The following CCSER1 variants were observed in gnomAD, a reference collection of about 807,000 sequenced individuals.
The protein encoded by CCSER1 is serine-rich coiled-coil domain-containing protein 1.
CCSER1 carries 41 observed loss-of-function variants against 82.0 expected under a neutral mutation model. The ratio of observed to expected loss-of-function variants is 0.50; its 90% confidence interval spans 0.39 to 0.65. The LOEUF is 0.65. Among genes scored for constraint, CCSER1 ranks in the 30% least tolerant of loss-of-function variants. CCSER1 has a pLI of 0.00. For missense variants in CCSER1, 1,119 were observed against 1,064.2 expected (o/e 1.05, Z -0.72); for synonymous variants, 414 against 383.9 (o/e 1.08, Z -0.92).
rs70963065 is a variant in CCSER1 at position 90,391,504 on chromosome 4, AATATATATATAT to A, written c.1510-8516_1510-8505del. Among the ~76,000 whole-genome samples, 71 of 79,416 alleles carry A rather than the reference AATATATATATAT, an allele frequency of 8.9e-4. 1 individual carries two copies. Among genetic ancestry groups the A allele is most frequent in the African/African-American group, 3.2e-3 (67 of 20,636 alleles). 52.1% of individuals were successfully genotyped at this position (79,416 alleles called of 152,430 possible). On this transcript the variant is annotated intron_variant, in intron 3 of 10. Coordinates refer to ENST00000509176, the MANE Select transcript of CCSER1 (RefSeq NM_001145065.2). ...TATATATACACACACACAGTGGGTA[AATATATATATAT>A]ATATATATATATATACTGTGTACTC...
chr4:91,119,393 G>T (rs1451978174), intron 10 of CCSER1, among the ~76,000 whole-genome samples: 1 of 151,812 alleles, frequency 6.6e-6, no homozygotes, highest in Non-Finnish European at 1.5e-5. Flanking sequence ...TGTTCTTAGG[G>T]ATTTGATACA....
At position 90,811,995 on chromosome 4, in the gene CCSER1, C is replaced by CACACACACACACATATATATATATATAT. The variant is rs367800484; in HGVS notation, c.2011-3766_2011-3765insCACACACACACATATATATATATATATA. Among the ~76,000 whole-genome samples, 591 of 142,708 alleles carry CACACACACACACATATATATATATATAT rather than the reference C, an allele frequency of 4.1e-3. 9 individuals are homozygous for CACACACACACACATATATATATATATAT. Among genetic ancestry groups the CACACACACACACATATATATATATATAT allele is most frequent in the African/African-American group, 0.015 (559 of 38,422 alleles). The allele number at this position is 142,708 out of a possible 152,430, so 93.6% of individuals were successfully genotyped here. Reference sequence around the variant, plus strand: ...ATATATATATATATATATATAAACACATATATATATATGAGTTTATTAAGT... The same window carrying CACACACACACACATATATATATATATAT: ...ATATATATATATATATATATAAACACACACACACACACATATATATATATATATATATATATATATGAGTTTATTAAGT... On this transcript the variant is annotated intron_variant, in intron 7 of 10. Transcript: ENST00000509176.
chr4:91,206,324 C>T (rs1581769696), intron 10 of CCSER1, among the ~76,000 whole-genome samples: 1 of 151,860 alleles, frequency 6.6e-6, no homozygotes, highest in Non-Finnish European at 1.5e-5. Context: ...ACATCCTGAC[C>T]TCTAATGAAT....
chr4:91,109,460 A>G (rs1725908484), intron 10 of CCSER1, among the ~76,000 whole-genome samples: 2 of 152,040 alleles, frequency 1.3e-5, no homozygotes, highest in South Asian at 4.1e-4. Context: ...AAAGGTCCCA[A>G]AGATTATTGA....
intron 3 of CCSER1, among the ~76,000 whole-genome samples, chr4:90,388,765 A>G (rs1750500466): frequency 6.6e-6 from 1 of 151,848 alleles, no homozygotes; most frequent in Non-Finnish European, 1.5e-5. Flanking sequence ...CCTCCAAAGT[A>G]GCTGGGATTA....
chr4:90,475,416 G>A (rs900892789), intron 5 of CCSER1, among the ~76,000 whole-genome samples: 2 of 152,194 alleles, frequency 1.3e-5, no homozygotes, highest in Non-Finnish European at 1.5e-5. Flanking sequence ...GATTTCCATG[G>A]TGAAAGCTGT....
intron 9 of CCSER1, among the ~76,000 whole-genome samples, chr4:91,017,711 A>C (rs1326241720): frequency 6.6e-6 from 1 of 152,176 alleles, no homozygotes; most frequent in African/African-American, 2.4e-5. Context: ...TCAATGAAAT[A>C]ACTTAGAAAT....
chr4:91,344,976 A>G (rs1219316556), intron 10 of CCSER1, among the ~76,000 whole-genome samples: 1 of 152,230 alleles, frequency 6.6e-6, no homozygotes. Flanking sequence ...GAAAATATTA[A>G]TTAACAATAT....
chr4:90,558,690 G>A (rs765729969), intron 5 of CCSER1, among the ~76,000 whole-genome samples: 1 of 152,108 alleles, frequency 6.6e-6, no homozygotes, highest in Non-Finnish European at 1.5e-5. Context: ...AAGGTAGGTA[G>A]TATTACCCTT....
At chr4:90,307,171 AGTACCTGGTAC>A (rs1324861551) in intron 1 of CCSER1, among the ~76,000 whole-genome samples, 12 of 152,156 alleles carry the variant, frequency 7.9e-5, no homozygotes, top group Non-Finnish European at 5.9e-5. Context: ...TCTGTGGGAA[AGTACCTGGTAC>A]GTAGCAGTTG....
chr4:91,203,037 T>C (rs1736057992), intron 10 of CCSER1, among the ~76,000 whole-genome samples: 1 of 151,936 alleles, frequency 6.6e-6, no homozygotes, highest in Non-Finnish European at 1.5e-5. Context: ...TTCATAAAAA[T>C]GTAGTCACTG....
chr4:90,497,224 A>T (rs115669929), intron 5 of CCSER1, among the ~76,000 whole-genome samples: 2,211 of 152,252 alleles, frequency 0.015, 32 homozygotes, highest in African/African-American at 0.043. Context: ...GCATATTGGA[A>T]CCATGTCCTT....
chr4:90,611,091 G>A (rs1785438214), intron 5 of CCSER1, among the ~76,000 whole-genome samples: 1 of 86,592 alleles, frequency 1.2e-5, no homozygotes, highest in Admixed American at 1.2e-4. Flanking sequence ...TAGAGATAGA[G>A]TTTTACCATG....
At chr4:90,163,841 G>A (rs1306835643) in intron 1 of CCSER1, among the ~76,000 whole-genome samples, 1 of 152,126 alleles carries the variant, frequency 6.6e-6, no homozygotes, top group East Asian at 1.9e-4. Flanking sequence ...TAGTAATAAA[G>A]TGGGAATGAA....
At position 90,156,941 on chromosome 4, in the gene CCSER1, G is replaced by A. The variant is rs142410383; in HGVS notation, c.-42+29110G>A. ...ATGATGTTAGCTGGTTATTTTGCTC[G>A]TTAGTTCATGCAGTTTCTTCCTAGC... On this transcript the variant is annotated intron_variant, in intron 1 of 10. Coordinates refer to ENST00000509176, the MANE Select transcript of CCSER1 (RefSeq NM_001145065.2). Among the ~76,000 whole-genome samples the A allele has an allele frequency of 7.6e-3, 1,153 of 152,258 alleles. 15 individuals are homozygous for A. Among genetic ancestry groups the A allele is most frequent in the African/African-American group, 0.026 (1,066 of 41,542 alleles).
At chr4:90,378,894 A>AATAT (rs561768167) in intron 3 of CCSER1, among the ~76,000 whole-genome samples, 1 of 152,108 alleles carries the variant, frequency 6.6e-6, no homozygotes, top group South Asian at 2.1e-4. Context: ...CCCTAATTTA[A>AATAT]ATATATAGTA....
chr4:91,364,753 A>G (rs1250640532), intron 10 of CCSER1, among the ~76,000 whole-genome samples: 1 of 152,038 alleles, frequency 6.6e-6, no homozygotes, highest in Non-Finnish European at 1.5e-5. Context: ...TCTATTATTC[A>G]TTGCATTTCC....
chr4:91,084,530 G>A (rs995432473), intron 9 of CCSER1, among the ~76,000 whole-genome samples: 2 of 150,070 alleles, frequency 1.3e-5, no homozygotes, highest in Non-Finnish European at 3.0e-5. Context: ...TGAATTCAAA[G>A]CATCCCATTA....
intron 4 of CCSER1, among the ~76,000 whole-genome samples, chr4:90,442,935 T>C (rs180857592): frequency 2.5e-4 from 38 of 151,944 alleles, no homozygotes; most frequent in African/African-American, 8.5e-4. Flanking sequence ...AATAGCCCCT[T>C]ATCCTCAGGG....
Sources: gnomAD v4.1 joint callset for allele counts (sites outside exome capture counted in the v4.1 genomes callset) on GRCh38, gnomAD v4.1.1 for gene constraint, MANE v1.5 for transcripts, NCBI Gene and HGNC (gene_info 2026-07-23, HGNC 2026-07-21) for gene names.